The following BIN1 variants were observed in gnomAD, a reference collection of about 807,000 sequenced individuals.
The protein encoded by BIN1 is myc box-dependent-interacting protein 1.
A neutral mutation model predicts 82.0 loss-of-function variants in BIN1; 53 were observed. The observed-to-expected ratio is 0.65, with a 90% CI of 0.52 to 0.81. The LOEUF (loss-of-function observed/expected upper bound fraction) is 0.81. Ranked by LOEUF, BIN1 falls within the 40% of genes least tolerant of loss-of-function variation. The probability of loss-of-function intolerance (pLI) is 0.00; values close to 1 mark genes in which losing one functional copy is unlikely to be tolerated. For missense variants in BIN1, 642 were observed against 784.4 expected, an observed-to-expected ratio of 0.82 and a Z score of 2.17; for synonymous variants, 302 against 328.0, an observed-to-expected ratio of 0.92 and a Z score of 0.86.
At chr2:127,101,876 A>C (rs1025199318) in intron 1 of BIN1, among the ~76,000 whole-genome samples, 9 of 152,114 alleles carry the variant, frequency 5.9e-5, no homozygotes, top group African/African-American at 2.2e-4. Flanking sequence ...CCCCAGGCTC[A>C]GGAGGGATTA....
At chr2:127,065,308 G>A (rs757411389) in intron 7 of BIN1, among the ~76,000 whole-genome samples, 1 of 152,154 alleles carries the variant, frequency 6.6e-6, no homozygotes, top group Non-Finnish European at 1.5e-5. Flanking sequence ...TGGGGAGCGG[G>A]GGGTGGGGAA....
Position 127,051,576 on chromosome 2 carries a change from C to T in BIN1, c.1372-333G>A, listed in dbSNP as rs375411647. Among the ~76,000 whole-genome samples the T allele has an allele frequency of 1.7e-4, 26 of 152,320 alleles. No individual in the cohort carries two copies. In the East Asian group the frequency reaches 4.3e-3, roughly 25 times the overall value. On this transcript the variant is annotated intron_variant, in intron 15 of 18. Transcript: ENST00000316724. The stretch of plus-strand genomic sequence containing the variant: ...CTCTCGGCACCAAGACCTCGCCCAG[C>T]CACAGCCACCACCCGCCCACCCTGC...
intron 2 of BIN1, among the ~76,000 whole-genome samples, chr2:127,073,738 G>C (rs1296213239): frequency 6.6e-6 from 1 of 152,200 alleles, no homozygotes; most frequent in Non-Finnish European, 1.5e-5. Context: ...AATCAGACTT[G>C]CCCCACCTCA....
intron 1 of BIN1, among the ~76,000 whole-genome samples, chr2:127,084,127 C>T (rs905732197): frequency 6.6e-6 from 1 of 152,190 alleles, no homozygotes; most frequent in Non-Finnish European, 1.5e-5. Flanking sequence ...TGACAGTCTT[C>T]CAAGAGCCTG....
chr2:127,097,692 T>A (rs1679779943), intron 1 of BIN1, among the ~76,000 whole-genome samples: 1 of 152,072 alleles, frequency 6.6e-6, no homozygotes, highest in African/African-American at 2.4e-5. Context: ...ACAATTAAGA[T>A]ACAGTCCTTG....
intron 1 of BIN1, among the ~76,000 whole-genome samples, chr2:127,079,311 A>G (rs1687006649): frequency 6.6e-6 from 1 of 152,166 alleles, no homozygotes; most frequent in South Asian, 2.1e-4. Flanking sequence ...GAACACTGGC[A>G]CCCTCCTCAA....
At chr2:127,062,082 A>T in intron 10 of BIN1, 33 bp downstream of exon 10, 1 of 1,573,526 alleles carries the variant, frequency 6.4e-7, no homozygotes, top group Non-Finnish European at 8.6e-7. Context: ...CCGTGCACAC[A>T]GTCAGGGGCG....
intron 10 of BIN1, among the ~76,000 whole-genome samples, chr2:127,060,113 G>A (rs1316817223): frequency 6.6e-6 from 1 of 152,156 alleles, no homozygotes; most frequent in Non-Finnish European, 1.5e-5. Context: ...AGTCACCTGA[G>A]GGCAAACAGT....
At chr2:127,099,765 G>A (rs1680067160) in intron 1 of BIN1, among the ~76,000 whole-genome samples, 1 of 151,142 alleles carries the variant, frequency 6.6e-6, no homozygotes, top group South Asian at 2.1e-4. Flanking sequence ...GCCCGCCTCG[G>A]CCTCCCAAAG....
At position 127,068,216 on chromosome 2, in the gene BIN1, G is replaced by C. The variant is rs756932462; in HGVS notation, c.559C>G (p.Gln187Glu). 10 of 1,613,660 alleles carry C rather than the reference G, an allele frequency of 6.2e-6. No individual in the cohort carries two copies. Among genetic ancestry groups the C allele is most frequent in the Non-Finnish European group, 8.5e-6 (10 of 1,179,982 alleles). The change falls in exon 7 of 19, where the codon CAA (glutamine) becomes GAA (glutamate). Residue 187 changes from glutamine (Q) to glutamate (E), a missense_variant. Physicochemically the swap from Gln to Glu is conservative, Grantham distance 29 (BLOSUM62 2). Transcript: ENST00000316724. The surrounding 1 kb of genome is among the most constrained non-coding windows in gnomAD (Gnocchi z 4.9). ...ACGAGATGAGCCTGCAGTTTGCCTTGGCACCACTGGGGGGCGGCTTTCTCA... is the reference window on the plus strand; with the variant it reads ...ACGAGATGAGCCTGCAGTTTGCCTTCGCACCACTGGGGGGCGGCTTTCTCA... ...LLEKAAPQWCQGKLQAHLVAQ... is the reference protein window; with the variant it reads ...LLEKAAPQWCEGKLQAHLVAQ...
Position 127,075,105 on chromosome 2 carries a change from C to T in BIN1, c.165+1521G>A, listed in dbSNP as rs570791751. ...AGGGATCAGCTCCAGAGAGGAAACTCGATAGTGAACCAAAGGCCACAGAGC... is the reference window on the plus strand; with the variant it reads ...AGGGATCAGCTCCAGAGAGGAAACTTGATAGTGAACCAAAGGCCACAGAGC... On this transcript the variant is annotated intron_variant, in intron 2 of 18. Transcript: ENST00000316724. Among the ~76,000 whole-genome samples, 103 of 152,300 alleles carry T rather than the reference C, an allele frequency of 6.8e-4. 3 individuals are homozygous for T. In the South Asian group the frequency reaches 0.02, roughly 29 times the overall value.
Position 127,090,301 on chromosome 2 carries a change from C to T in BIN1, c.85-13595G>A, listed in dbSNP as rs1251579303. ...AGCCTGGTGCAACCCGCTGTGGCCACATGAGGAGCCCTGATGGGCCTTGCT... is the reference window on the plus strand; with the variant it reads ...AGCCTGGTGCAACCCGCTGTGGCCATATGAGGAGCCCTGATGGGCCTTGCT... On this transcript the variant is annotated intron_variant, in intron 1 of 18. Transcript: ENST00000316724. This position sits in a 1 kb window ranked among gnomAD's most constrained non-coding sequence, Gnocchi z 6.4. Among the ~76,000 whole-genome samples, 2 of 152,226 alleles carry T rather than the reference C, an allele frequency of 1.3e-5. No individual in the cohort carries two copies. Among genetic ancestry groups the T allele is most frequent in the African/African-American group, 2.4e-5 (1 of 41,458 alleles).
At position 127,063,921 on chromosome 2, in the gene BIN1, G is replaced by T; in HGVS notation, c.698+12C>A. The T allele has an allele frequency of 1.2e-6, 2 of 1,612,898 alleles. No individual in the cohort carries two copies. The highest frequency in any genetic ancestry group is 1.7e-6 in the Non-Finnish European group (2 of 1,179,656). On this transcript the variant is annotated intron_variant, in intron 8 of 18. Coordinates refer to ENST00000316724, the MANE Select transcript of BIN1 (RefSeq NM_139343.3). ...CTGCCCCACGCAGGCTGGGCACCGT[G>T]CTGGGCCTCACCTGTTCCACAGGGA... is the stretch of plus-strand genomic sequence containing the variant.
chr2:127,099,332 G>A (rs2105327958), intron 1 of BIN1, among the ~76,000 whole-genome samples: 2 of 150,716 alleles, frequency 1.3e-5, no homozygotes, highest in Middle Eastern at 6.8e-3. Context: ...TTCCCCCCAG[G>A]AAGTCTTCCC....
chr2:127,060,356 C>A (rs1425666710), intron 10 of BIN1, among the ~76,000 whole-genome samples: 2 of 152,226 alleles, frequency 1.3e-5, no homozygotes, highest in Non-Finnish European at 2.9e-5. Context: ...ACCACCAGGG[C>A]TAGACAAGTG....
At chr2:127,098,986 G>C (rs1418291094) in intron 1 of BIN1, among the ~76,000 whole-genome samples, 2 of 152,184 alleles carry the variant, frequency 1.3e-5, no homozygotes, top group East Asian at 3.8e-4. Context: ...GCTTTATCAC[G>C]GGGGAGTGTG....
intron 2 of BIN1, among the ~76,000 whole-genome samples, chr2:127,074,081 A>C (rs1311534415): frequency 6.6e-6 from 1 of 152,090 alleles, no homozygotes; most frequent in Non-Finnish European, 1.5e-5. Context: ...TTAAAGACTA[A>C]ATCACCTGCC....
At chr2:127,098,920 T>C (rs1257683911) in intron 1 of BIN1, among the ~76,000 whole-genome samples, 4 of 152,302 alleles carry the variant, frequency 2.6e-5, no homozygotes, top group African/African-American at 9.6e-5. Flanking sequence ...CACCAAGCAT[T>C]ACAGCCACCA....
At chr2:127,071,966 C>T (rs972941940) in intron 2 of BIN1, among the ~76,000 whole-genome samples, 4 of 152,192 alleles carry the variant, frequency 2.6e-5, no homozygotes, top group East Asian at 1.9e-4. Context: ...CTCGGGAGAG[C>T]GGCAGTGGCT....
Sources: gnomAD v4.1 joint callset for allele counts (sites outside exome capture counted in the v4.1 genomes callset) on GRCh38, gnomAD v4.1.1 for gene constraint, Gnocchi (gnomAD v3.1) non-coding constraint, MANE v1.5 for transcripts, NCBI Gene and HGNC (gene_info 2026-07-23, HGNC 2026-07-21) for gene names.